Variants in TMTC3 observed in about 807,000 individuals in gnomAD.
The protein encoded by TMTC3 is transmembrane O-mannosyltransferase targeting cadherins 3, also known as protein O-mannosyl-transferase TMTC3.
TMTC3 carries 52 observed loss-of-function variants against 92.2 expected under a neutral mutation model. That is an observed-to-expected ratio of 0.56 (90% CI 0.45 to 0.71). The LOEUF is 0.71. TMTC3 is among the 30% of genes least tolerant of loss of function. TMTC3 has a pLI of 0.00. For missense variants in TMTC3, 896 were observed against 1,057.1 expected, an observed-to-expected ratio of 0.85 and a Z score of 2.11; for synonymous variants, 339 against 363.3, an observed-to-expected ratio of 0.93 and a Z score of 0.76.
At chr12:88,155,684 G>A (rs894761885) in intron 4 of TMTC3, among the ~76,000 whole-genome samples, 6 of 152,142 alleles carry the variant, frequency 3.9e-5, no homozygotes, top group Non-Finnish European at 8.8e-5. Context: ...TTCTGTCTTA[G>A]AAAAGCCTTC....
rs1199532929 is a variant in TMTC3 at position 88,154,443 on chromosome 12, T to A, written c.508+56T>A. The A allele has an allele frequency of 4.1e-6, 5 of 1,211,346 alleles. No individual in the cohort carries two copies. In the South Asian group the frequency reaches 7.1e-5, roughly 17 times the overall value. The allele number at this position is 1,211,346 out of a possible 1,614,324, so 75.0% of individuals were successfully genotyped here. A position where few individuals can be genotyped will look rare whatever the true frequency, so the allele number is the denominator to read the frequency against. The stretch of plus-strand genomic sequence containing the variant: ...TAGTGCTAAAACTTGATTAAGGAAT[T>A]TTTATTTACTCCAAGTGCTTCTTAT... On this transcript the variant is annotated intron_variant, in intron 4 of 13. Coordinates refer to ENST00000266712, the MANE Select transcript of TMTC3 (RefSeq NM_181783.4).
chr12:88,174,576 T>A, intron 8 of TMTC3, 31 bp from the exon 9 acceptor site: 1 of 1,588,320 alleles, frequency 6.3e-7, no homozygotes, highest in Non-Finnish European at 8.5e-7. Flanking sequence ...GAAGACAATT[T>A]TTTTTGTTTT....
intron 2 of TMTC3, among the ~76,000 whole-genome samples, chr12:88,152,904 G>A (rs1456652255): frequency 6.6e-6 from 1 of 152,114 alleles, no homozygotes; most frequent in Non-Finnish European, 1.5e-5. Context: ...CTAGCCAGTA[G>A]TTACATGAAC....
intron 10 of TMTC3, among the ~76,000 whole-genome samples, chr12:88,185,834 G>C (rs2041371881): frequency 6.6e-6 from 1 of 152,056 alleles, no homozygotes; most frequent in Non-Finnish European, 1.5e-5. Flanking sequence ...TGTTAATACA[G>C]TGGATATCAT....
chr12:88,179,358 C>A (rs1484705736), intron 10 of TMTC3, among the ~76,000 whole-genome samples: 2 of 152,142 alleles, frequency 1.3e-5, no homozygotes, highest in Non-Finnish European at 2.9e-5. Flanking sequence ...AAAGTTTGGA[C>A]TCTGGCATCA....
intron 10 of TMTC3, among the ~76,000 whole-genome samples, chr12:88,176,520 A>G (rs1300493951): frequency 6.6e-6 from 1 of 152,170 alleles, no homozygotes; most frequent in Non-Finnish European, 1.5e-5. Context: ...TCACACCTGT[A>G]TTCCCAGCAC....
Position 88,192,697 on chromosome 12 carries a change from G to C in TMTC3, c.1800G>C (p.Trp600Cys). ...LELDRNNADL[W>C]YNLAIVHIEL... ...TGGACAGAAATAATGCAGATCTTTG[G>C]TACAACTTGGCAATTGTACATATTG... is the stretch of plus-strand genomic sequence containing the variant. The change falls in exon 13 of 14, where the codon TGG becomes TGC. Residue 600 changes from tryptophan to cysteine, a missense_variant. Trp to Cys is a radical substitution (Grantham distance 215). Coordinates refer to ENST00000266712, the MANE Select transcript of TMTC3 (RefSeq NM_181783.4). The C allele has an allele frequency of 1.2e-6, 2 of 1,613,410 alleles. No individual in the cohort carries two copies. Among genetic ancestry groups the C allele is most frequent in the South Asian group, 2.2e-5 (2 of 91,072 alleles).
At chr12:88,146,385 G>A (rs918685042) in intron 1 of TMTC3, among the ~76,000 whole-genome samples, 5 of 152,036 alleles carry the variant, frequency 3.3e-5, no homozygotes, top group African/African-American at 1.2e-4. Flanking sequence ...ATTGAACCTT[G>A]CCCTCCTGTT....
At chr12:88,179,635 T>A (rs1407732374) in intron 10 of TMTC3, among the ~76,000 whole-genome samples, 1 of 152,026 alleles carries the variant, frequency 6.6e-6, no homozygotes, top group Non-Finnish European at 1.5e-5. Context: ...GACACAGGTA[T>A]TTTGCCTGAC....
chr12:88,193,771 T>C (rs1337592915), intron 13 of TMTC3, among the ~76,000 whole-genome samples: 2 of 152,192 alleles, frequency 1.3e-5, no homozygotes, highest in Non-Finnish European at 2.9e-5. Context: ...AAGTAGAAAT[T>C]TGGAGAAAAG....
chr12:88,160,080 C>T (rs779870368), intron 4 of TMTC3, 34 bp from the exon 5 acceptor site: 1 of 1,413,202 alleles, frequency 7.1e-7, no homozygotes, highest in Admixed American at 2.1e-5. Flanking sequence ...AAATTGTTTT[C>T]TGAATTTTTA....
At chr12:88,149,568 T>G (rs753102620) in intron 2 of TMTC3, among the ~76,000 whole-genome samples, 34 of 152,066 alleles carry the variant, frequency 2.2e-4, no homozygotes, top group Non-Finnish European at 5.0e-4. Flanking sequence ...AAGTAATAAA[T>G]GAATTATTTT....
intron 7 of TMTC3, among the ~76,000 whole-genome samples, chr12:88,170,279 A>G (rs182764564): frequency 6.6e-6 from 1 of 152,266 alleles, no homozygotes; most frequent in Admixed American, 6.5e-5. Context: ...CTTTTGAGTG[A>G]ATTTAACACT....
rs373623257 is a variant in TMTC3, at chr12:88,153,275, C to T, written c.190-16C>T. 4.5e-5 allele frequency: 71 copies of T among 1,585,540 alleles called. No individual in the cohort carries two copies. The highest frequency in any genetic ancestry group is 5.2e-5 in the Non-Finnish European group (61 of 1,162,304). On this transcript the variant is annotated splice_polypyrimidine_tract_variant and intron_variant, in intron 2 of 13. Transcript: ENST00000266712. Reference sequence around the variant, plus strand: ...CCAAGGTACTTTAATAATCACTGATCGTTTTTTCCTTGTAGGAGAGAAGCC... The same window carrying T: ...CCAAGGTACTTTAATAATCACTGATTGTTTTTTCCTTGTAGGAGAGAAGCC...
At position 88,195,462 on chromosome 12, in the gene TMTC3, C is replaced by T. The variant is rs922592579; in HGVS notation, c.2558C>T (p.Ser853Phe). The T allele has an allele frequency of 6.2e-7, 1 of 1,612,878 alleles. No individual in the cohort carries two copies. The highest frequency in any genetic ancestry group is 8.5e-7 in the Non-Finnish European group (1 of 1,179,646). The part of the protein sequence containing the change: ...TESVKEIRGE[S>F]RQTQIVKTSD... Reference sequence around the variant, plus strand: ...AGTGTAAAAGAAATTAGAGGTGAATCCAGACAAACACAAATAGTAAAAACA... The same window carrying T: ...AGTGTAAAAGAAATTAGAGGTGAATTCAGACAAACACAAATAGTAAAAACA... The change falls in exon 14 of 14, where the codon TCC (serine) becomes TTC (phenylalanine). Residue 853 changes from serine to phenylalanine, a missense_variant. By Grantham distance (155) the Ser-to-Phe change is radical. Transcript: ENST00000266712.
At position 88,194,819 on chromosome 12, in the gene TMTC3, CT is replaced by C; in HGVS notation, c.1934-16del. Reference sequence around the variant, plus strand: ...TTATTTTATTAACAATATATTTTTTCTTTAAAAAAACTTTCTAGGTGAGGTT... The same window carrying C: ...TTATTTTATTAACAATATATTTTTTCTTAAAAAAACTTTCTAGGTGAGGTT... On this transcript the variant is annotated intron_variant, in intron 13 of 13. Coordinates refer to ENST00000266712, the MANE Select transcript of TMTC3 (RefSeq NM_181783.4). 6.8e-7 allele frequency: 1 copy of C among 1,462,578 alleles called. No individual in the cohort carries two copies. Among genetic ancestry groups the C allele is most frequent in the Non-Finnish European group, 9.1e-7 (1 of 1,101,652 alleles). The allele number at this position is 1,462,578 out of a possible 1,614,324, so 90.6% of individuals were successfully genotyped here. A position where few individuals can be genotyped will look rare whatever the true frequency, so the allele number is the denominator to read the frequency against.
rs1050013638 is a variant in TMTC3 at position 88,197,751 on chromosome 12, C to T, written c.*2102C>T. ...TTAAATAATTTATTTAAATCAAGAC[C>T]ACCATAAGTCATTAATAATTTAATA... On this transcript the variant is annotated 3_prime_UTR_variant, in exon 14 of 14. Transcript: ENST00000266712. 6 of 151,786 alleles carry T rather than the reference C, an allele frequency of 4.0e-5. No individual in the cohort carries two copies. Among genetic ancestry groups the T allele is most frequent in the South Asian group, 2.1e-4 (1 of 4,816 alleles). The allele number at this position is 151,786 out of a possible 1,614,324, so 9.4% of individuals were successfully genotyped here.
chr12:88,152,768 T>A (rs1219308258), intron 2 of TMTC3, among the ~76,000 whole-genome samples: 1 of 152,200 alleles, frequency 6.6e-6, no homozygotes, highest in African/African-American at 2.4e-5. Flanking sequence ...AATTCCTAGT[T>A]TAATATATTC....
At chr12:88,158,773 C>T (rs1240091296) in intron 4 of TMTC3, among the ~76,000 whole-genome samples, 1 of 151,948 alleles carries the variant, frequency 6.6e-6, no homozygotes, top group African/African-American at 2.4e-5. Flanking sequence ...AGGTCACGGC[C>T]GGGCACAGTG....
Sources: gnomAD v4.1 joint callset for allele counts (sites outside exome capture counted in the v4.1 genomes callset) on GRCh38, gnomAD v4.1.1 for gene constraint, MANE v1.5 for transcripts, NCBI Gene and HGNC (gene_info 2026-07-23, HGNC 2026-07-21) for gene names.